The following LEF1 variants were observed in gnomAD, a reference collection of about 807,000 sequenced individuals.
The protein encoded by LEF1 is lymphoid enhancer-binding factor 1.
LEF1 carries 14 observed loss-of-function variants against 51.2 expected under a neutral mutation model. That is an observed-to-expected ratio of 0.27 (90% CI 0.18 to 0.43). The LOEUF is 0.43. LEF1 is among the 20% of genes least tolerant of loss of function. The pLI is 1.00. For synonymous variants in LEF1, 185 were observed against 183.2 expected, an observed-to-expected ratio of 1.01 and a Z score of -0.08; for missense variants, 386 against 512.0, an observed-to-expected ratio of 0.75 and a Z score of 2.37.
At chr4:108,077,290 C>T (rs914720768) in intron 8 of LEF1, among the ~76,000 whole-genome samples, 1 of 151,762 alleles carries the variant, frequency 6.6e-6, no homozygotes, top group Non-Finnish European at 1.5e-5. Context: ...GCCTGGCCGC[C>T]CAACTGACTG....
intron 3 of LEF1, among the ~76,000 whole-genome samples, chr4:108,159,253 C>G (rs1744919581): frequency 1.3e-5 from 2 of 152,140 alleles, no homozygotes; most frequent in Non-Finnish European, 2.9e-5. Context: ...AAGGAGGGAT[C>G]AAACAGGAAA....
chr4:108,144,473 T>C (rs1363268476), intron 3 of LEF1, among the ~76,000 whole-genome samples: 3 of 152,232 alleles, frequency 2.0e-5, no homozygotes, highest in African/African-American at 4.8e-5. Flanking sequence ...TACAATCATA[T>C]GTCAATAATT....
chr4:108,059,335 A>G (rs189193251), intron 11 of LEF1, among the ~76,000 whole-genome samples: 2 of 152,292 alleles, frequency 1.3e-5, no homozygotes, highest in East Asian at 1.9e-4. Flanking sequence ...TGAAAATACA[A>G]GTTTTTTGTT....
rs113872832 is a variant in LEF1, at chr4:108,153,301, G to A, written c.414+10267C>T. ...CCTGCCTCTGCAAAAGAGGCATGTG[G>A]CTTGGTGTTGTGTTCAATTTAGGAA... On this transcript the variant is annotated intron_variant, in intron 3 of 11. Coordinates refer to ENST00000265165, the MANE Select transcript of LEF1 (RefSeq NM_016269.5). Among the ~76,000 whole-genome samples, 544 of 152,322 alleles carry A rather than the reference G, an allele frequency of 3.6e-3. 2 individuals carry two copies. Among genetic ancestry groups the A allele is most frequent in the Non-Finnish European group, 6.2e-3 (421 of 68,022 alleles).
intron 2 of LEF1, among the ~76,000 whole-genome samples, chr4:108,164,175 T>G (rs1745245060): frequency 6.6e-6 from 1 of 152,112 alleles, no homozygotes; most frequent in African/African-American, 2.4e-5. Flanking sequence ...AATTTCTAGA[T>G]TCTACTGAAA....
At chr4:108,050,975 T>C (rs937863037) in intron 11 of LEF1, among the ~76,000 whole-genome samples, 3 of 152,184 alleles carry the variant, frequency 2.0e-5, no homozygotes, top group Admixed American at 2.0e-4. Context: ...TACCTAAGGG[T>C]GCCTTCTCCT....
intron 3 of LEF1, among the ~76,000 whole-genome samples, chr4:108,123,121 A>G (rs528676934): frequency 6.6e-6 from 1 of 152,322 alleles, no homozygotes; most frequent in African/African-American, 2.4e-5. Flanking sequence ...CCTATATAGT[A>G]TGTGCTTCCA....
At chr4:108,156,873 G>T (rs893876308) in intron 3 of LEF1, among the ~76,000 whole-genome samples, 1 of 150,492 alleles carries the variant, frequency 6.6e-6, no homozygotes, top group African/African-American at 2.5e-5. Context: ...TAGGAGGGGG[G>T]TGATGATGAG....
chr4:108,132,120 G>A (rs1397031333), intron 3 of LEF1, among the ~76,000 whole-genome samples: 1 of 152,074 alleles, frequency 6.6e-6, no homozygotes, highest in African/African-American at 2.4e-5. Context: ...AGGTATTTGG[G>A]TCCAAAAAGA....
chr4:108,087,429 T>TA (rs1560779780), intron 4 of LEF1, among the ~76,000 whole-genome samples: 24 of 151,824 alleles, frequency 1.6e-4, no homozygotes, highest in Middle Eastern at 3.4e-3. Context: ...GAGTTTTTTT[T>TA]TAAAAAAAGT....
At chr4:108,059,402 T>C (rs538328105) in intron 11 of LEF1, among the ~76,000 whole-genome samples, 236 of 152,332 alleles carry the variant, frequency 1.5e-3, no homozygotes, top group African/African-American at 5.4e-3. Context: ...ACTGCAGCCT[T>C]GAACTCCTAG....
At chr4:108,132,655 C>A (rs112138867) in intron 3 of LEF1, among the ~76,000 whole-genome samples, 1 of 66,180 alleles carries the variant, frequency 1.5e-5, no homozygotes, top group African/African-American at 4.9e-5. Flanking sequence ...GAGCGAAAAT[C>A]TGCCTTTTTT....
At chr4:108,161,658 T>A (rs1033276535) in intron 3 of LEF1, among the ~76,000 whole-genome samples, 11 of 152,344 alleles carry the variant, frequency 7.2e-5, no homozygotes, top group African/African-American at 2.4e-4. Flanking sequence ...GAAGATCAGC[T>A]TAATTTTCAA....
At chr4:108,121,053 T>A (rs963538039) in intron 3 of LEF1, among the ~76,000 whole-genome samples, 10 of 152,242 alleles carry the variant, frequency 6.6e-5, no homozygotes, top group African/African-American at 2.4e-4. Context: ...TTTGCCACAT[T>A]GTAAAAGTGC....
intron 3 of LEF1, among the ~76,000 whole-genome samples, chr4:108,126,780 G>T (rs2110343318): frequency 6.9e-6 from 1 of 145,118 alleles, no homozygotes; most frequent in East Asian, 2.0e-4. Context: ...AGTCCAGTCT[G>T]GGTGACAAAG....
intron 8 of LEF1, chr4:108,075,500 C>A (rs1316497487): frequency 6.6e-6 from 1 of 152,184 alleles, no homozygotes; most frequent in Non-Finnish European, 1.5e-5. Context: ...CAAAAACAAA[C>A]ACAGGGTCAC....
chr4:108,095,135 C>T (rs562854310), intron 3 of LEF1, among the ~76,000 whole-genome samples: 47 of 152,240 alleles, frequency 3.1e-4, no homozygotes, highest in African/African-American at 1.0e-3. Context: ...AAGAACGAGG[C>T]CCCAGGATCT....
intron 8 of LEF1, among the ~76,000 whole-genome samples, chr4:108,077,237 C>T (rs1252861157): frequency 6.6e-6 from 1 of 152,118 alleles, no homozygotes; most frequent in African/African-American, 2.4e-5. Context: ...AGTGAGGAGC[C>T]CCTCTGCCTG....
At chr4:108,089,071 AT>A (rs753457298) in intron 4 of LEF1, 53 bp downstream of exon 4, 13 of 1,608,552 alleles carry the variant, frequency 8.1e-6, no homozygotes, top group African/African-American at 1.3e-5. Flanking sequence ...GGCTGATGAG[AT>A]TTGGCTCTTC....
Sources: gnomAD v4.1 joint callset for allele counts (sites outside exome capture counted in the v4.1 genomes callset) on GRCh38, gnomAD v4.1.1 for gene constraint, MANE v1.5 for transcripts, NCBI Gene and HGNC (gene_info 2026-07-23, HGNC 2026-07-21) for gene names.